RCOR1: variants seen among roughly 807,000 people sequenced by gnomAD.
The protein encoded by RCOR1 is REST corepressor 1.
A neutral mutation model predicts 64.0 loss-of-function variants in RCOR1; 12 were observed. That is an observed-to-expected ratio of 0.19 (90% CI 0.12 to 0.30). The LOEUF is 0.30. Among genes scored for constraint, RCOR1 ranks in the 10% least tolerant of loss-of-function variants. The pLI, the probability that RCOR1 is intolerant of heterozygous loss-of-function variation, is 1.00. For synonymous variants in RCOR1, 279 were observed against 227.2 expected, an observed-to-expected ratio of 1.23 and a Z score of -2.05; for missense variants, 502 against 621.2, an observed-to-expected ratio of 0.81 and a Z score of 2.04.
At chr14:102,620,898 AACCT>A (rs1454843975) in intron 2 of RCOR1, among the ~76,000 whole-genome samples, 3 of 151,912 alleles carry the variant, frequency 2.0e-5, no homozygotes, top group Non-Finnish European at 4.4e-5. Context: ...GGCCTCTCCT[AACCT>A]ACCTATCTGC....
At chr14:102,628,538 CAAA>C (rs371262191) in intron 2 of RCOR1, among the ~76,000 whole-genome samples, 1 of 127,314 alleles carries the variant, frequency 7.9e-6, no homozygotes, top group African/African-American at 2.8e-5. Context: ...ACTGCAACTC[CAAA>C]AAAAAAAAAA....
intron 7 of RCOR1, among the ~76,000 whole-genome samples, chr14:102,712,616 T>G (rs911306548): frequency 1.3e-5 from 2 of 151,846 alleles, no homozygotes; most frequent in African/African-American, 4.8e-5. Flanking sequence ...AACCGATTCC[T>G]GGAAGTTGTA....
chr14:102,686,373 C>T (rs1379568729), intron 3 of RCOR1, among the ~76,000 whole-genome samples: 2 of 152,188 alleles, frequency 1.3e-5, no homozygotes, highest in Non-Finnish European at 2.9e-5. Context: ...ACACCCTCCC[C>T]CAGTGTGAAC....
At chr14:102,606,973 G>T (rs1236394003) in intron 2 of RCOR1, among the ~76,000 whole-genome samples, 1 of 126,734 alleles carries the variant, frequency 7.9e-6, no homozygotes, top group South Asian at 2.5e-4. Flanking sequence ...TCACTCTGTC[G>T]CCCAGGCTGG....
intron 7 of RCOR1, among the ~76,000 whole-genome samples, chr14:102,713,476 G>T (rs1263266114): frequency 6.6e-6 from 1 of 151,930 alleles, no homozygotes; most frequent in Non-Finnish European, 1.5e-5. Flanking sequence ...TAGAGATGGG[G>T]TTTCACTGTG....
chr14:102,726,347 A>G (rs1896262286), intron 11 of RCOR1, 121 bp from the exon 12 acceptor site: 2 of 825,978 alleles, frequency 2.4e-6, no homozygotes, highest in African/African-American at 1.8e-5. Flanking sequence ...AAAAAAAAGA[A>G]CTCGGTGTTT....
chr14:102,692,185 A>T (rs78940473), intron 3 of RCOR1, among the ~76,000 whole-genome samples: 31 of 152,320 alleles, frequency 2.0e-4, no homozygotes, highest in African/African-American at 7.2e-4. Context: ...AAAGAGGTGT[A>T]TATTGATATA....
At position 102,688,533 on chromosome 14, in the gene RCOR1, C is replaced by T. The variant is rs528843476; in HGVS notation, c.445+6555C>T. Among the ~76,000 whole-genome samples the T allele has an allele frequency of 2.0e-5, 3 of 152,190 alleles. No homozygotes were observed. The East Asian group carries it at 5.8e-4, about 29-fold the overall frequency. ...GTGGTAGTAAGGTGTTGATGCAATT[C>T]CAAGTCAGAGAAGTTGATTGCCTAA... On this transcript the variant is annotated intron_variant, in intron 3 of 11. Transcript: ENST00000262241.
chr14:102,701,201 C>A (rs367962082), intron 3 of RCOR1, 77 bp from the exon 4 acceptor site: 3 of 1,153,602 alleles, frequency 2.6e-6, no homozygotes, highest in South Asian at 2.5e-5. Flanking sequence ...GAAATATACA[C>A]GTATATCAAT....
chr14:102,626,040 G>C lies in RCOR1; in HGVS notation c.361+32715G>C, dbSNP rs569386726. 2.6e-3 allele frequency among the ~76,000 whole-genome samples: 398 copies of C among 152,244 alleles called. 1 individual carries two copies. Among genetic ancestry groups the C allele is most frequent in the Non-Finnish European group, 4.6e-3 (310 of 68,022 alleles). ...TTCATACCCTTTTATCTCTGTTTCA[G>C]ACTTAGCACTCTACATCCTCCTGAT... On this transcript the variant is annotated intron_variant, in intron 2 of 11. Transcript: ENST00000262241.
At chr14:102,701,163 GA>G (rs747658008) in intron 3 of RCOR1, 114 bp from the exon 4 acceptor site, 8 of 865,264 alleles carry the variant, frequency 9.2e-6, no homozygotes, top group Non-Finnish European at 1.6e-5. Context: ...TTTGGGTGGG[GA>G]CACAGCCAAA....
At chr14:102,600,980 G>A (rs1345235736) in intron 2 of RCOR1, among the ~76,000 whole-genome samples, 3 of 151,012 alleles carry the variant, frequency 2.0e-5, no homozygotes, top group Admixed American at 1.3e-4. Context: ...ACTTGAGGTC[G>A]GGAGTTCAAG....
At chr14:102,662,626 A>G (rs1894847515) in intron 2 of RCOR1, 1 of 448,706 alleles carries the variant, frequency 2.2e-6, no homozygotes, top group Non-Finnish European at 4.3e-6. Flanking sequence ...GCCTTTCAAC[A>G]CTGCTTTCTT....
At chr14:102,681,243 A>C (rs1361000250) in intron 2 of RCOR1, among the ~76,000 whole-genome samples, 1 of 152,214 alleles carries the variant, frequency 6.6e-6, no homozygotes, top group Non-Finnish European at 1.5e-5. Context: ...AACCTTTAGA[A>C]TGAATAAGTC....
Position 102,700,204 on chromosome 14 carries a change from T to A in RCOR1, c.446-1074T>A, listed in dbSNP as rs539893346. 3.3e-5 allele frequency among the ~76,000 whole-genome samples: 5 copies of A among 151,536 alleles called. No individual in the cohort carries two copies. In the East Asian group the frequency reaches 9.6e-4, roughly 29 times the overall value. On this transcript the variant is annotated intron_variant, in intron 3 of 11. Coordinates refer to ENST00000262241, the MANE Select transcript of RCOR1 (RefSeq NM_015156.4). ...TGTTGTAGAAAGTTTTAAGTAGAAC[T>A]AAAGATTTTGTCTTCCTTTTCCCTT...
At chr14:102,714,663 T>G (rs1896029864) in intron 8 of RCOR1, 46 bp downstream of exon 8, 1 of 1,410,438 alleles carries the variant, frequency 7.1e-7, no homozygotes, top group Non-Finnish European at 9.7e-7. Context: ...AATTAGCACT[T>G]TAGAGGTGTT....
At chr14:102,682,392 A>G (rs8019811) in intron 3 of RCOR1, among the ~76,000 whole-genome samples, 46,006 of 152,074 alleles carry the variant, frequency 0.3, 7,075 homozygotes, top group East Asian at 0.38. Context: ...GGCCTCCCAA[A>G]ATGTTGGGAT....
At chr14:102,608,123 T>C (rs772634905) in intron 2 of RCOR1, among the ~76,000 whole-genome samples, 7 of 152,126 alleles carry the variant, frequency 4.6e-5, no homozygotes, top group Non-Finnish European at 8.8e-5. Flanking sequence ...GCACTCGCAT[T>C]GTTGTGGAGC....
intron 5 of RCOR1, 129 bp from the exon 6 acceptor site, chr14:102,708,336 G>A (rs1286559865): frequency 2.3e-5 from 14 of 609,386 alleles, no homozygotes; most frequent in South Asian, 1.8e-4. Flanking sequence ...TCCTGACCTC[G>A]TGATCCGCCT....
Sources: gnomAD v4.1 joint callset for allele counts (sites outside exome capture counted in the v4.1 genomes callset) on GRCh38, gnomAD v4.1.1 for gene constraint, MANE v1.5 for transcripts, NCBI Gene and HGNC (gene_info 2026-07-23, HGNC 2026-07-21) for gene names.